Variants in HERC6 observed in about 807,000 individuals in gnomAD.
HERC6 encodes HECT and RLD domain containing E3 ubiquitin protein ligase family member 6.
A neutral mutation model predicts 114.5 loss-of-function variants in HERC6; 101 were observed. That is an observed-to-expected ratio of 0.88 (90% CI 0.75 to 1.04). HERC6 has a LOEUF of 1.04. HERC6 is among the 50% of genes least tolerant of loss of function. The pLI, the probability that HERC6 is intolerant of heterozygous loss-of-function variation, is 0.00. For synonymous variants in HERC6, 408 were observed against 436.2 expected (o/e 0.94, Z 0.81); for missense variants, 1,133 against 1,230.9 (o/e 0.92, Z 1.19).
chr4:88,431,096 A>C, intron 16 of HERC6, 66 bp from the exon 17 acceptor site: 7 of 1,445,856 alleles, frequency 4.8e-6, no homozygotes, highest in Non-Finnish European at 6.6e-6. Context: ...AGAGGTTTAA[A>C]ACTTCCATAA....
At chr4:88,402,953 G>C (rs1034851515) in intron 8 of HERC6, among the ~76,000 whole-genome samples, 4 of 152,184 alleles carry the variant, frequency 2.6e-5, no homozygotes, top group Admixed American at 2.0e-4. Flanking sequence ...GTGGTTACCT[G>C]TCTTCTTCAA....
At chr4:88,403,432 C>T (rs1011721786) in intron 8 of HERC6, among the ~76,000 whole-genome samples, 1 of 152,158 alleles carries the variant, frequency 6.6e-6, no homozygotes, top group Non-Finnish European at 1.5e-5. Context: ...AATCCCAAAG[C>T]TTTTTATACT....
chr4:88,417,322 T>A, intron 12 of HERC6, 103 bp from the exon 13 acceptor site: 1 of 1,041,784 alleles, frequency 9.6e-7, no homozygotes. Context: ...CCATCAGAAA[T>A]GTAAAATATT....
intron 2 of HERC6, 115 bp from the exon 3 acceptor site, chr4:88,385,384 T>C: frequency 1.6e-6 from 1 of 635,452 alleles, no homozygotes; most frequent in African/African-American, 1.9e-5. Flanking sequence ...TACAAGAAAA[T>C]AAAATAGTTT....
Position 88,390,662 on chromosome 4 carries a change from G to A in HERC6, c.447G>A (p.Val149=), listed in dbSNP as rs1320575699. 2 of 1,602,166 alleles carry A rather than the reference G, an allele frequency of 1.2e-6. No individual in the cohort carries two copies. The highest frequency in any genetic ancestry group is 1.1e-5 in the South Asian group (1 of 90,846). ...HSLALSKDSQ[V]FSWGKNSHGQ... ...TCGTCTTTGTTGTAGATAGCCAAGT[G>A]TTTTCGTGGGGAAAGAACAGCCATG... Residue 149 remains valine, a synonymous_variant, in exon 4 of 23, where the codon GTG becomes GTA. Transcript: ENST00000264346.
At chr4:88,391,155 C>A (rs991173912) in intron 4 of HERC6, among the ~76,000 whole-genome samples, 9 of 152,174 alleles carry the variant, frequency 5.9e-5, no homozygotes, top group Admixed American at 4.6e-4. Context: ...TAGCAGGTTA[C>A]CTTCTTCCCT....
rs997275069 is a variant in HERC6 at position 88,424,534 on chromosome 4, GAAGT to G, written c.1828-56_1828-53del. Reference sequence around the variant, plus strand: ...CCAAAAAAAAGGCGATAAGGTAAAGGAAGTAAGTTTTTTTTCATTGTTTTTAATT... The same window carrying G: ...CCAAAAAAAAGGCGATAAGGTAAAGGAAGTTTTTTTTCATTGTTTTTAATT... On this transcript the variant is annotated intron_variant, in intron 14 of 22. Coordinates refer to ENST00000264346, the MANE Select transcript of HERC6 (RefSeq NM_017912.4). The G allele has an allele frequency of 9.6e-6, 12 of 1,253,696 alleles. No homozygotes were observed. In the Admixed American group the frequency reaches 1.8e-4, roughly 19 times the overall value. The allele number at this position is 1,253,696 out of a possible 1,614,324, so 77.7% of individuals were successfully genotyped here.
At chr4:88,410,057 A>G (rs532398764) in intron 11 of HERC6, among the ~76,000 whole-genome samples, 25 of 152,194 alleles carry the variant, frequency 1.6e-4, no homozygotes, top group African/African-American at 6.0e-4. Flanking sequence ...GGCAGTGTGA[A>G]CCCCAAATAT....
At chr4:88,386,630 A>G (rs992998276) in intron 3 of HERC6, among the ~76,000 whole-genome samples, 2 of 152,216 alleles carry the variant, frequency 1.3e-5, no homozygotes, top group African/African-American at 2.4e-5. Flanking sequence ...GCTTCAAGGG[A>G]TAATAAATTG....
intron 1 of HERC6, among the ~76,000 whole-genome samples, 189 bp from the exon 2 acceptor site, chr4:88,383,030 CAG>C (rs1227992758): frequency 2.0e-5 from 3 of 152,180 alleles, no homozygotes; most frequent in Non-Finnish European, 4.4e-5. Flanking sequence ...CCTATAAAGA[CAG>C]GGTAACATAC....
At chr4:88,424,486 C>A in intron 14 of HERC6, 109 bp from the exon 15 acceptor site, 2 of 824,918 alleles carry the variant, frequency 2.4e-6, no homozygotes, top group East Asian at 5.3e-5. Context: ...CTTAAAAAAA[C>A]AAAGAACCAC....
In HERC6 at chr4:88,390,879, G is replaced by A. The variant is rs1341895257; in HGVS notation, c.664G>A (p.Val222Met). The change falls in exon 4 of 23, where the codon GTG becomes ATG. Residue 222 changes from valine (V) to methionine (M), a missense_variant and splice_region_variant. Around this residue, in one of 3 missense-constraint regions of HERC6, gnomAD observed 735 missense variants for 754.0 expected, o/e 0.97. Coordinates refer to ENST00000264346, the MANE Select transcript of HERC6 (RefSeq NM_017912.4). Reference sequence around the variant, plus strand: ...GGCCCTCAGTGGGCGTAATGTCCCAGGTAAGGAGATAGTCTTGTTTGTGCA... The same window carrying A: ...GGCCCTCAGTGGGCGTAATGTCCCAAGTAAGGAGATAGTCTTGTTTGTGCA... ...QLALSGRNVP[V>M]QSNKPLSVGA... 6.2e-7 allele frequency: 1 copy of A among 1,609,122 alleles called. No homozygotes were observed. Among genetic ancestry groups the A allele is most frequent in the South Asian group, 1.1e-5 (1 of 90,678 alleles).
At chr4:88,424,541 GT>G (rs1030913873) in intron 14 of HERC6, 53 bp from the exon 15 acceptor site, 22 of 1,358,738 alleles carry the variant, frequency 1.6e-5, no homozygotes, top group South Asian at 6.3e-5. Context: ...AAGGAAGTAA[GT>G]TTTTTTTCAT....
chr4:88,431,533 T>C (rs1313166570), intron 17 of HERC6, among the ~76,000 whole-genome samples: 2 of 152,216 alleles, frequency 1.3e-5, no homozygotes, highest in East Asian at 3.8e-4. Flanking sequence ...TCAGAGCATG[T>C]ATTTTATAAG....
rs1050585222 is a variant in HERC6, at chr4:88,398,106, A to G, written c.1025-36A>G. The G allele has an allele frequency of 1.4e-5, 19 of 1,407,044 alleles. No homozygotes were observed. In the African/African-American group the frequency reaches 2.4e-4, roughly 18 times the overall value. The allele number at this position is 1,407,044 out of a possible 1,614,324, so 87.2% of individuals were successfully genotyped here. ...ATACATCAGATTTATTTTTACTTCTAGAAACTCTAAGCATGGATTTATGAC... is the reference window on the plus strand; with the variant it reads ...ATACATCAGATTTATTTTTACTTCTGGAAACTCTAAGCATGGATTTATGAC... On this transcript the variant is annotated intron_variant, in intron 7 of 22. Coordinates refer to ENST00000264346, the MANE Select transcript of HERC6 (RefSeq NM_017912.4).
At chr4:88,393,442 C>G (rs770403377) in intron 4 of HERC6, 46 bp from the exon 5 acceptor site, 1 of 1,089,190 alleles carries the variant, frequency 9.2e-7, no homozygotes, top group Admixed American at 2.0e-5. Context: ...GTCATGAAAT[C>G]TGAGTCTGTT....
At chr4:88,424,080 T>G in intron 14 of HERC6, 107 bp downstream of exon 14, 1 of 574,728 alleles carries the variant, frequency 1.7e-6, no homozygotes, top group Non-Finnish European at 3.0e-6. Context: ...TGAAAATTTT[T>G]TAATTGCAAT....
chr4:88,406,840 C>T (rs1396602236), intron 10 of HERC6, among the ~76,000 whole-genome samples: 1 of 152,022 alleles, frequency 6.6e-6, no homozygotes, highest in African/African-American at 2.4e-5. Context: ...TCACTGCAAC[C>T]TCCACCCCCA....
intron 17 of HERC6, among the ~76,000 whole-genome samples, chr4:88,431,869 C>G (rs781096642): frequency 6.6e-6 from 1 of 152,214 alleles, no homozygotes; most frequent in African/African-American, 2.4e-5. Context: ...TGAGCCACCA[C>G]GCTCAGCTGA....
Sources: gnomAD v4.1 joint callset for allele counts (sites outside exome capture counted in the v4.1 genomes callset) on GRCh38, gnomAD v4.1.1 for gene constraint, gnomAD v4.1.1 regional missense constraint, MANE v1.5 for transcripts, NCBI Gene and HGNC (gene_info 2026-07-23, HGNC 2026-07-21) for gene names.